RSAD2: variants seen among roughly 807,000 people sequenced by gnomAD.
The protein encoded by RSAD2 is radical S-adenosyl methionine domain containing 2.
RSAD2 carries 38 observed loss-of-function variants against 37.7 expected under a neutral mutation model. The ratio of observed to expected loss-of-function variants is 1.01; its 90% CI spans 0.78 to 1.32. RSAD2 has a LOEUF of 1.32. Among genes scored for constraint, RSAD2 ranks in the 40% most tolerant of loss-of-function variants. The probability of loss-of-function intolerance (pLI) is 0.00; values close to 1 mark genes in which losing one functional copy is unlikely to be tolerated. For missense variants in RSAD2, 428 were observed against 437.5 expected, an observed-to-expected ratio of 0.98 and a Z score of 0.19; for synonymous variants, 163 against 157.4, an observed-to-expected ratio of 1.04 and a Z score of -0.27.
chr2:6,889,189 A>G (rs1663581177), intron 3 of RSAD2, among the ~76,000 whole-genome samples: 1 of 152,138 alleles, frequency 6.6e-6, no homozygotes, highest in African/African-American at 2.4e-5. Context: ...ATTCAAACCT[A>G]CATGGAAGGG....
chr2:6,865,901 G>T, exon 1 of RSAD2: 1 of 1,412,520 alleles, frequency 7.1e-7, no homozygotes, highest in Non-Finnish European at 9.2e-7. Context: ...TCCTCGCCGC[G>T]AGATGTGCGC....
rs190498969 is a variant in RSAD2, at chr2:6,895,535, G to A, written c.922-243G>A. 3.7e-4 allele frequency among the ~76,000 whole-genome samples: 57 copies of A among 152,316 alleles called. 2 individuals carry two copies. The East Asian group carries it at 4.4e-3, about 12-fold the overall frequency. On this transcript the variant is annotated intron_variant, in intron 5 of 5. Transcript: ENST00000382040. The stretch of plus-strand genomic sequence containing the variant: ...GGAACTACATCTGCCCATGCGGGGC[G>A]CATATCATTCTGTTTATTGTGCGCT...
chr2:6,890,383 A>C, intron 4 of RSAD2, 58 bp downstream of exon 4: 1 of 1,578,334 alleles, frequency 6.3e-7, no homozygotes, highest in Non-Finnish European at 8.7e-7. Flanking sequence ...GATTCCCAAA[A>C]GGGAAGTCTC....
chr2:6,879,454 A>G (rs1206813572), intron 1 of RSAD2, among the ~76,000 whole-genome samples: 1 of 151,946 alleles, frequency 6.6e-6, no homozygotes, highest in Admixed American at 6.6e-5. Context: ...AGCCTGTCAC[A>G]CTCATTTTCT....
At position 6,877,987 on chromosome 2, in the gene RSAD2, G is replaced by A. The variant is rs749182605; in HGVS notation, c.187G>A (p.Glu63Lys). The A allele has an allele frequency of 1.1e-5, 17 of 1,614,012 alleles. No homozygotes were observed. The highest frequency in any genetic ancestry group is 1.4e-5 in the Non-Finnish European group (17 of 1,180,028). Residue 63 changes from glutamate (E) to lysine (K), a missense_variant, in exon 1 of 6, where the codon GAA (glutamate) becomes AAA (lysine). By Grantham distance (56) the Glu-to-Lys change is moderately conservative. Coordinates refer to ENST00000382040, the MANE Select transcript of RSAD2 (RefSeq NM_080657.5). ...LRGPDETKEE[E>K]EDPPLPTTPT... ...AGGGCCAGATGAGACCAAAGAGGAG[G>A]AAGAGGACCCTCCTCTGCCCACCAC...
At chr2:6,869,393 A>T (rs910583388) in intron 1 of RSAD2, among the ~76,000 whole-genome samples, 1 of 152,188 alleles carries the variant, frequency 6.6e-6, no homozygotes, top group African/African-American at 2.4e-5. Context: ...AAAAGAAAAA[A>T]AAAATTTCCA....
At chr2:6,876,820 C>G (rs1292579174), upstream of RSAD2, 3 of 152,154 alleles carry the variant, frequency 2.0e-5, no homozygotes, top group Non-Finnish European at 2.9e-5. Flanking sequence ...TTACTCTGCA[C>G]AAAAATCGCC....
chr2:6,867,188 C>T lies in RSAD2; in HGVS notation c.142+1143C>T, dbSNP rs761805878. ...CTCTGGATGTATTAGTCTATCCTGG[C>T]TGCCATAACAAAATACCACGGACTG... On this transcript the variant is annotated intron_variant, in intron 1 of 5. Coordinates refer to the RSAD2 transcript ENST00000442639. Among the ~76,000 whole-genome samples, 4 of 152,170 alleles carry T rather than the reference C, an allele frequency of 2.6e-5. 1 individual carries two copies. The highest frequency in any genetic ancestry group is 6.3e-3 in the Middle Eastern group (2 of 316).
chr2:6,889,283 A>G (rs1438706103), intron 3 of RSAD2, among the ~76,000 whole-genome samples: 1 of 152,242 alleles, frequency 6.6e-6, no homozygotes, highest in Non-Finnish European at 1.5e-5. Context: ...AGATGCTCAC[A>G]GTCTATTAAG....
chr2:6,883,326 A>G, intron 1 of RSAD2, 45 bp from the exon 2 acceptor site: 9 of 1,558,828 alleles, frequency 5.8e-6, no homozygotes, highest in Non-Finnish European at 7.9e-6. Context: ...TAAAATAATA[A>G]TGTATATTTG....
chr2:6,877,869 T>C lies in RSAD2; in HGVS notation c.69T>C (p.Ser23=). 1 of 1,614,140 alleles carries C rather than the reference T, an allele frequency of 6.2e-7. No homozygotes were observed. The highest frequency in any genetic ancestry group is 1.1e-5 in the South Asian group (1 of 91,074). The change falls in exon 1 of 6, where the codon TCT becomes TCC. Residue 23 remains serine, a synonymous_variant. Transcript: ENST00000382040. ...LLSVFRQPLS[S]LWRSLVPLFC... ...GTGTGTTCAGGCAACCTCTGAGCTCTCTGTGGAGGAGCCTGGTCCCGCTGT... is the reference window on the plus strand; with the variant it reads ...GTGTGTTCAGGCAACCTCTGAGCTCCCTGTGGAGGAGCCTGGTCCCGCTGT...
intron 3 of RSAD2, among the ~76,000 whole-genome samples, chr2:6,889,511 A>G (rs1174809373): frequency 1.3e-5 from 2 of 152,176 alleles, no homozygotes; most frequent in Non-Finnish European, 2.9e-5. Flanking sequence ...CATCCTTTCC[A>G]TGGAAACCCT....
chr2:6,882,308 A>G (rs1413786889), intron 1 of RSAD2, among the ~76,000 whole-genome samples: 1 of 152,252 alleles, frequency 6.6e-6, no homozygotes, highest in Non-Finnish European at 1.5e-5. Context: ...TTGCAGAGAG[A>G]TAAGAGAAAG....
rs554273439 is a variant in RSAD2, at chr2:6,883,699, T to C, written c.508+167T>C. On this transcript the variant is annotated intron_variant, in intron 2 of 5. Transcript: ENST00000382040. ...GCTTTTCAAGCTGTGCACGGCATTA[T>C]GGCAGTTTTAGTTCCTTAGGGCTCT... The C allele has an allele frequency of 5.0e-5, 38 of 757,562 alleles. No homozygotes were observed. The South Asian group carries it at 6.9e-4, about 14-fold the overall frequency. 46.9% of individuals were successfully genotyped at this position (757,562 alleles called of 1,614,324 possible).
At chr2:6,869,211 G>C (rs1413402169) in intron 1 of RSAD2, among the ~76,000 whole-genome samples, 4 of 152,280 alleles carry the variant, frequency 2.6e-5, no homozygotes, top group Admixed American at 2.6e-4. Flanking sequence ...TCTCCAGACT[G>C]CTTGACTTAC....
rs1353351517 is a variant in RSAD2, at chr2:6,895,978, G to A, written c.*36G>A. On this transcript the variant is annotated 3_prime_UTR_variant, in exon 6 of 6. Coordinates refer to ENST00000382040, the MANE Select transcript of RSAD2 (RefSeq NM_080657.5). ...GGAACGAGACTTCAACACACCAGTG[G>A]GAAAACTCCTAGAGTAACTGCCATT... 1.3e-6 allele frequency: 2 copies of A among 1,597,276 alleles called. No homozygotes were observed. The highest frequency in any genetic ancestry group is 1.3e-5 in the African/African-American group (1 of 74,548).
chr2:6,868,969 A>G (rs1159207110), intron 1 of RSAD2, among the ~76,000 whole-genome samples: 3 of 152,246 alleles, frequency 2.0e-5, no homozygotes, highest in Non-Finnish European at 2.9e-5. Context: ...ACAAACGTCA[A>G]GATTAACGAT....
upstream of RSAD2, among the ~76,000 whole-genome samples, chr2:6,874,147 C>G (rs1390929178): frequency 6.6e-6 from 1 of 152,130 alleles, no homozygotes; most frequent in East Asian, 1.9e-4. Context: ...GCATCTTTCT[C>G]TCTTGCTCCT....
intron 4 of RSAD2, among the ~76,000 whole-genome samples, chr2:6,890,547 G>A (rs1371635325): frequency 1.3e-5 from 2 of 152,076 alleles, no homozygotes; most frequent in Middle Eastern, 3.2e-3. Context: ...CTCTATCCAC[G>A]ATGGATAGAG....
Sources: gnomAD v4.1 joint callset for allele counts (sites outside exome capture counted in the v4.1 genomes callset) on GRCh38, gnomAD v4.1.1 for gene constraint, MANE v1.5 for transcripts, NCBI Gene and HGNC (gene_info 2026-07-23, HGNC 2026-07-21) for gene names.